Variants in AGMO observed in about 807,000 individuals in gnomAD.
AGMO encodes the protein glyceryl-ether monooxygenase.
Under a neutral mutation model 60.2 loss-of-function variants are expected in AGMO, and 75 were observed. That is an observed-to-expected ratio of 1.25 (90% CI 1.03 to 1.51). The LOEUF (loss-of-function observed/expected upper bound fraction) is 1.51, where lower values mean the gene tolerates loss of function less well. Ranked by LOEUF, AGMO falls within the 40% of genes most tolerant of loss-of-function variation. AGMO has a pLI of 0.00. For missense variants in AGMO, 763 were observed against 525.5 expected (o/e 1.45, Z -4.42); for synonymous variants, 261 against 177.1 (o/e 1.47, Z -3.76).
intron 12 of AGMO, among the ~76,000 whole-genome samples, chr7:15,208,876 T>C (rs1001830346): frequency 3.3e-5 from 5 of 152,206 alleles, no homozygotes; most frequent in East Asian, 3.8e-4. Flanking sequence ...GGATTCATCA[T>C]AGACCTTAAG....
chr7:15,517,451 T>C (rs540739284), intron 3 of AGMO, among the ~76,000 whole-genome samples: 1 of 150,290 alleles, frequency 6.7e-6, no homozygotes, highest in East Asian at 2.0e-4. Flanking sequence ...TTTCTGCATT[T>C]CTAACTGAGG....
rs1484853840 is a variant in AGMO, at chr7:15,544,821, G to A, written c.360C>T (p.Ala120=). The A allele has an allele frequency of 6.2e-7, 1 of 1,609,732 alleles. No homozygotes were observed. The highest frequency in any genetic ancestry group is 8.5e-7 in the Non-Finnish European group (1 of 1,177,780). ...PWDSPWTWYS[A]FLGVDFGYYW... ...AGTAGCCAAAGTCAACTCCTAAGAA[G>A]GCTGAATACCAAGTCCATGGAGAAT... Residue 120 remains alanine (A), a synonymous_variant, in exon 3 of 13, where the codon GCC becomes GCT. Transcript: ENST00000342526.
At chr7:15,196,075 G>C (rs916330035), downstream of AGMO, among the ~76,000 whole-genome samples, 13 of 149,794 alleles carry the variant, frequency 8.7e-5, no homozygotes, top group African/African-American at 2.7e-4. Flanking sequence ...ACAGAGTCTC[G>C]CTCTGTCACC....
At chr7:15,335,582 C>T (rs1781633022) in intron 12 of AGMO, among the ~76,000 whole-genome samples, 1 of 152,100 alleles carries the variant, frequency 6.6e-6, no homozygotes, top group African/African-American at 2.4e-5. Flanking sequence ...TCATGGTAAA[C>T]CTGCCAGCAT....
chr7:15,285,639 C>T (rs959546059), intron 12 of AGMO, among the ~76,000 whole-genome samples: 5 of 152,024 alleles, frequency 3.3e-5, no homozygotes, highest in African/African-American at 9.7e-5. Context: ...TGAAAATGAC[C>T]GTACTGCCCA....
intron 12 of AGMO, among the ~76,000 whole-genome samples, chr7:15,324,159 A>C (rs1026217048): frequency 5.9e-5 from 9 of 152,156 alleles, no homozygotes; most frequent in Non-Finnish European, 8.8e-5. Context: ...CAGCAACCCA[A>C]CACTCAGCTA....
intron 12 of AGMO, among the ~76,000 whole-genome samples, chr7:15,354,484 ATATACACACGTG>A (rs1255385778): frequency 1.0e-3 from 23 of 22,948 alleles, no homozygotes; most frequent in Admixed American, 2.1e-3. Flanking sequence ...ACACGTGTGT[ATATACACACGTG>A]TATATATATA....
At chr7:15,246,410 T>C (rs1216799514) in intron 12 of AGMO, among the ~76,000 whole-genome samples, 1 of 152,180 alleles carries the variant, frequency 6.6e-6, no homozygotes, top group Non-Finnish European at 1.5e-5. Flanking sequence ...TTTTTTATAT[T>C]CTCTGATAAG....
intron 12 of AGMO, among the ~76,000 whole-genome samples, chr7:15,359,762 G>T (rs1278161580): frequency 6.6e-6 from 1 of 152,134 alleles, no homozygotes; most frequent in Non-Finnish European, 1.5e-5. Flanking sequence ...ATGTTTTATT[G>T]TATGTTACAT....
rs144045156 is a variant in AGMO at position 15,418,113 on chromosome 7, T to C, written c.609+445A>G. On this transcript the variant is annotated intron_variant, in intron 5 of 12. Coordinates refer to ENST00000342526, the MANE Select transcript of AGMO (RefSeq NM_001004320.2). The stretch of plus-strand genomic sequence containing the variant: ...ATTTAATCTCTGTAGTTAGAGCAAG[T>C]TTTCCAATCAAAAATTATTTTCATA... Among the ~76,000 whole-genome samples the C allele has an allele frequency of 4.5e-3, 687 of 152,156 alleles. 3 individuals carry two copies. Among genetic ancestry groups the C allele is most frequent in the African/African-American group, 0.016 (653 of 41,542 alleles).
At chr7:15,149,765 C>G in the AGMO span, among the ~76,000 whole-genome samples, 1 of 151,996 alleles carries the variant, frequency 6.6e-6, no homozygotes, top group East Asian at 1.9e-4. Context: ...CAGCTTTGTT[C>G]TTTTTGCTTA....
chr7:15,281,288 C>T (rs1462141095), intron 12 of AGMO, among the ~76,000 whole-genome samples: 2 of 152,108 alleles, frequency 1.3e-5, no homozygotes, highest in Non-Finnish European at 2.9e-5. Flanking sequence ...TTCTTTCTCC[C>T]CTTGTCCACC....
intron 5 of AGMO, among the ~76,000 whole-genome samples, chr7:15,395,437 C>T (rs1400139246): frequency 6.6e-6 from 1 of 151,256 alleles, no homozygotes; most frequent in African/African-American, 2.4e-5. Context: ...ATTTTATAGG[C>T]AAAAAACAAA....
At chr7:15,269,882 C>T (rs933248427) in intron 12 of AGMO, among the ~76,000 whole-genome samples, 2 of 152,006 alleles carry the variant, frequency 1.3e-5, no homozygotes, top group African/African-American at 4.8e-5. Flanking sequence ...TGCTTCTGAG[C>T]TATCTCACTA....
intron 12 of AGMO, among the ~76,000 whole-genome samples, chr7:15,277,185 G>A (rs765194894): frequency 9.2e-5 from 14 of 151,964 alleles, no homozygotes; most frequent in Non-Finnish European, 2.1e-4. Flanking sequence ...GTGGGTGCCT[G>A]TAAACCCAGC....
chr7:15,552,531 A>C (rs1197744573), intron 2 of AGMO, among the ~76,000 whole-genome samples: 2 of 149,862 alleles, frequency 1.3e-5, no homozygotes, highest in Non-Finnish European at 3.0e-5. Flanking sequence ...GACACTTCTC[A>C]AAAGAAGACA....
chr7:15,559,267 C>T (rs1785237828), intron 2 of AGMO, among the ~76,000 whole-genome samples: 1 of 152,108 alleles, frequency 6.6e-6, no homozygotes, highest in Admixed American at 6.6e-5. Context: ...ACACCTCTTG[C>T]TCTCAAGTTG....
downstream of AGMO, among the ~76,000 whole-genome samples, chr7:15,196,125 C>T (rs1160465579): frequency 6.6e-6 from 1 of 150,718 alleles, no homozygotes; most frequent in African/African-American, 2.4e-5. Context: ...TCACTGCAAC[C>T]TCTGCCTCCC....
At chr7:15,336,464 T>G (rs1413707477) in intron 12 of AGMO, among the ~76,000 whole-genome samples, 1 of 152,012 alleles carries the variant, frequency 6.6e-6, no homozygotes, top group Non-Finnish European at 1.5e-5. Flanking sequence ...GCATACCCAC[T>G]TGTTATTCTT....
Sources: gnomAD v4.1 joint callset for allele counts (sites outside exome capture counted in the v4.1 genomes callset) on GRCh38, gnomAD v4.1.1 for gene constraint, MANE v1.5 for transcripts, NCBI Gene and HGNC (gene_info 2026-07-23, HGNC 2026-07-21) for gene names.